ERBB4: variants seen among roughly 807,000 people sequenced by gnomAD.
ERBB4 encodes receptor tyrosine-protein kinase erbB-4.
Under a neutral mutation model 158.0 loss-of-function variants are expected in ERBB4, and 42 were observed. That is an observed-to-expected ratio of 0.27 (90% confidence interval 0.21 to 0.34). ERBB4 has a LOEUF of 0.34. Ranked by LOEUF, ERBB4 falls within the 10% of genes least tolerant of loss-of-function variation. The pLI, the probability that ERBB4 is intolerant of heterozygous loss-of-function variation, is 1.00. For synonymous variants in ERBB4, 583 were observed against 558.7 expected, an observed-to-expected ratio of 1.04 and a Z score of -0.61; for missense variants, 1,333 against 1,624.1, an observed-to-expected ratio of 0.82 and a Z score of 3.08.
At chr2:212,129,734 C>CA (rs35545246) in intron 1 of ERBB4, among the ~76,000 whole-genome samples, 6 of 151,412 alleles carry the variant, frequency 4.0e-5, no homozygotes, top group Admixed American at 2.0e-4. Context: ...TATTTTTTGA[C>CA]AAAAAAAGAT....
intron 1 of ERBB4, among the ~76,000 whole-genome samples, chr2:212,303,469 A>T (rs576326879): frequency 1.3e-5 from 2 of 149,716 alleles, no homozygotes; most frequent in South Asian, 2.1e-4. Flanking sequence ...ATCCTTGTAA[A>T]TCCTGAGAAC....
chr2:211,449,201 G>T (rs1836750), intron 20 of ERBB4, among the ~76,000 whole-genome samples: 145,587 of 152,206 alleles, frequency 0.96, 69,661 homozygotes, highest in Middle Eastern at 0.99. Flanking sequence ...TAAAGATAAG[G>T]TGCATTTTCA....
chr2:212,373,950 T>TATCCATGTATATATC (rs1553627741), intron 1 of ERBB4, among the ~76,000 whole-genome samples: 1 of 64,584 alleles, frequency 1.5e-5, no homozygotes, highest in African/African-American at 6.9e-5. Flanking sequence ...CATATATATA[T>TATCCATGTATATATC]CATATATATA....
chr2:211,708,631 TC>T (rs1315715142), intron 9 of ERBB4, among the ~76,000 whole-genome samples: 5 of 151,894 alleles, frequency 3.3e-5, no homozygotes, highest in African/African-American at 1.2e-4. Context: ...TCTCTCTCTC[TC>T]TCTCTCTCTC....
intron 1 of ERBB4, among the ~76,000 whole-genome samples, chr2:212,217,190 A>C (rs1364365007): frequency 6.6e-6 from 1 of 151,370 alleles, no homozygotes; most frequent in Non-Finnish European, 1.5e-5. Context: ...TACTTGCTCT[A>C]TTTTGCAGCA....
intron 1 of ERBB4, among the ~76,000 whole-genome samples, chr2:212,219,541 C>T (rs1037652429): frequency 1.3e-5 from 2 of 151,288 alleles, no homozygotes; most frequent in Non-Finnish European, 3.0e-5. Flanking sequence ...TGGTCACCTT[C>T]TCCCACTTGT....
intron 20 of ERBB4, among the ~76,000 whole-genome samples, chr2:211,479,497 A>G (rs1405087241): frequency 6.6e-6 from 1 of 152,190 alleles, no homozygotes; most frequent in African/African-American, 2.4e-5. Flanking sequence ...GGTGGTATCC[A>G]TGTGTAAATT....
chr2:212,048,345 T>C (rs2077310739), intron 2 of ERBB4, among the ~76,000 whole-genome samples: 2 of 152,102 alleles, frequency 1.3e-5, no homozygotes, highest in South Asian at 2.1e-4. Context: ...ATACTAGCAG[T>C]AGTGTAAAGT....
chr2:212,211,637 A>G (rs62182601), intron 1 of ERBB4, among the ~76,000 whole-genome samples: 22,829 of 128,580 alleles, frequency 0.18, 2,271 homozygotes, highest in Non-Finnish European at 0.24. Flanking sequence ...AAATGGATAC[A>G]TGTATAGAAT....
At chr2:211,860,691 T>A (rs1289060954) in intron 3 of ERBB4, among the ~76,000 whole-genome samples, 1 of 151,586 alleles carries the variant, frequency 6.6e-6, no homozygotes, top group Non-Finnish European at 1.5e-5. Context: ...AGTGCTATGT[T>A]ACTGACAGAA....
intron 2 of ERBB4, among the ~76,000 whole-genome samples, chr2:211,979,346 A>G (rs2081724722): frequency 6.6e-6 from 1 of 152,164 alleles, no homozygotes; most frequent in African/African-American, 2.4e-5. Flanking sequence ...GCCTATAGCA[A>G]TTTGTATATC....
At chr2:212,306,872 TA>T (rs145623457) in intron 1 of ERBB4, among the ~76,000 whole-genome samples, 2,724 of 151,482 alleles carry the variant, frequency 0.018, 74 homozygotes, top group African/African-American at 0.062. Flanking sequence ...AAAAACCAAT[TA>T]AAATTACTTA....
At chr2:212,354,227 T>A (rs1046882181) in intron 1 of ERBB4, among the ~76,000 whole-genome samples, 1 of 152,132 alleles carries the variant, frequency 6.6e-6, no homozygotes, top group Non-Finnish European at 1.5e-5. Flanking sequence ...CAACTGTCCC[T>A]AAGCAGCTTC....
intron 1 of ERBB4, among the ~76,000 whole-genome samples, chr2:212,392,725 A>G (rs1329246966): frequency 6.6e-6 from 1 of 152,042 alleles, no homozygotes; most frequent in African/African-American, 2.4e-5. Flanking sequence ...TTCTGTGCAC[A>G]TCTTTTTTGT....
intron 1 of ERBB4, among the ~76,000 whole-genome samples, chr2:212,206,589 C>CTTTTTTTGTTTTTTTTTTTTTTTTTTTTT (rs2082755625): frequency 8.6e-6 from 1 of 116,450 alleles, no homozygotes; most frequent in African/African-American, 3.6e-5. Flanking sequence ...CTGTTCTGTT[C>CTTTTTTTGTTTTTTTTTTTTTTTTTTTTT]TTTTTTTTTT....
At chr2:211,773,786 A>G (rs1168012271) in intron 4 of ERBB4, among the ~76,000 whole-genome samples, 1 of 150,722 alleles carries the variant, frequency 6.6e-6, no homozygotes, top group Non-Finnish European at 1.5e-5. Context: ...ATAAAGGAGA[A>G]ATGTTAACTA....
chr2:212,220,145 T>TGTA (rs34036806), intron 1 of ERBB4, among the ~76,000 whole-genome samples: 79,400 of 150,674 alleles, frequency 0.53, 21,179 homozygotes, highest in East Asian at 0.77. Flanking sequence ...CAAAACAGAA[T>TGTA]GTAGTCATCA....
intron 20 of ERBB4, among the ~76,000 whole-genome samples, chr2:211,513,377 C>CAAAAAAAAAAAAAAAAAAAAAAAAAAAA (rs1167274491): frequency 1.8e-5 from 1 of 55,746 alleles, no homozygotes; most frequent in African/African-American, 5.0e-5. Flanking sequence ...AAAAAAAAAA[C>CAAAAAAAAAAAAAAAAAAAAAAAAAAAA]AAAAAAAAAA....
chr2:211,938,294 C>T lies in ERBB4; in HGVS notation c.421+9136G>A, dbSNP rs561375291. On this transcript the variant is annotated intron_variant, in intron 3 of 27. Coordinates refer to ENST00000342788, the MANE Select transcript of ERBB4 (RefSeq NM_005235.3). ...TCATTTGAAGATAAGGAAACTGAGGCTTAGAAAGTTGAATCATTTGCCTCA... is the reference window on the plus strand; with the variant it reads ...TCATTTGAAGATAAGGAAACTGAGGTTTAGAAAGTTGAATCATTTGCCTCA... Among the ~76,000 whole-genome samples, 4 of 152,178 alleles carry T rather than the reference C, an allele frequency of 2.6e-5. No homozygotes were observed. In the East Asian group the frequency reaches 7.7e-4, roughly 29 times the overall value.
Sources: allele counts gnomAD v4.1 joint callset (sites outside exome capture counted in the v4.1 genomes callset), GRCh38; gene constraint gnomAD v4.1.1; transcripts MANE v1.5; gene names NCBI Gene and HGNC (gene_info 2026-07-23, HGNC 2026-07-21).